WDR72: variants seen among roughly 807,000 people sequenced by gnomAD.
WDR72 encodes WD repeat-containing protein 72.
A neutral mutation model predicts 124.2 loss-of-function variants in WDR72; 120 were observed. The observed-to-expected ratio is 0.97, with a 90% CI of 0.83 to 1.12. The LOEUF (loss-of-function observed/expected upper bound fraction) is 1.12, where lower values mean the gene tolerates loss of function less well. WDR72 is among the 50% of genes most tolerant of loss of function. The pLI is 0.00. For synonymous variants in WDR72, 452 were observed against 441.7 expected, an observed-to-expected ratio of 1.02 and a Z score of -0.29; for missense variants, 1,387 against 1,278.8, an observed-to-expected ratio of 1.08 and a Z score of -1.29.
At chr15:53,737,551 T>G (rs746632137) in intron 1 of WDR72, among the ~76,000 whole-genome samples, 7 of 152,118 alleles carry the variant, frequency 4.6e-5, no homozygotes, top group Non-Finnish European at 8.8e-5. Context: ...GCAAAACCAC[T>G]GTTGGGGGAG....
In WDR72 at chr15:53,523,224, T is replaced by G. The variant is rs1891896639; in HGVS notation, c.3247A>C (p.Ser1083Arg). 1 of 1,612,774 alleles carries G rather than the reference T, an allele frequency of 6.2e-7. No homozygotes were observed. The highest frequency in any genetic ancestry group is 8.5e-7 in the Non-Finnish European group (1 of 1,179,220). ...PDRCALEESE[S>R]PGEPRHHSWI... ...ATTTTTAAATGGCTTTCACCTGGACTCTCAGACTCTTCCAAGGCACATCTG... is the reference window on the plus strand; with the variant it reads ...ATTTTTAAATGGCTTTCACCTGGACGCTCAGACTCTTCCAAGGCACATCTG... Residue 1083 changes from serine (S) to arginine (R), a missense_variant, in exon 19 of 20, where the codon AGT (serine) becomes CGT (arginine). Physicochemically the swap from Ser to Arg is moderately radical, Grantham distance 110 (BLOSUM62 -1). Transcript: ENST00000360509.
intron 2 of WDR72, among the ~76,000 whole-genome samples, chr15:53,726,258 A>ATG (rs779537392): frequency 0.03 from 2,108 of 69,678 alleles, 36 homozygotes; most frequent in South Asian, 0.088. Flanking sequence ...ATATATATGT[A>ATG]TGTGTGTATA....
At chr15:53,595,131 A>C (rs1005868089) in intron 18 of WDR72, among the ~76,000 whole-genome samples, 22 of 152,122 alleles carry the variant, frequency 1.4e-4, no homozygotes, top group African/African-American at 5.3e-4. Context: ...AGTAGGTGTA[A>C]TATTCTGGTG....
At chr15:53,635,499 T>C (rs1454183117) in intron 14 of WDR72, among the ~76,000 whole-genome samples, 1 of 152,162 alleles carries the variant, frequency 6.6e-6, no homozygotes, top group Non-Finnish European at 1.5e-5. Flanking sequence ...AAAATTTATT[T>C]TCTTAAAAAA....
intron 18 of WDR72, among the ~76,000 whole-genome samples, chr15:53,584,556 A>C (rs1476853753): frequency 6.6e-6 from 1 of 152,088 alleles, no homozygotes; most frequent in Non-Finnish European, 1.5e-5. Context: ...ATAAAACACT[A>C]AATAGATACT....
At chr15:53,607,255 T>TA (rs984421864) in intron 17 of WDR72, among the ~76,000 whole-genome samples, 86 of 147,282 alleles carry the variant, frequency 5.8e-4, no homozygotes, top group South Asian at 1.5e-3. Flanking sequence ...CTCTCAGAAT[T>TA]AAAAAAAAAA....
At chr15:53,728,476 C>T (rs1329272779) in intron 2 of WDR72, among the ~76,000 whole-genome samples, 1 of 152,180 alleles carries the variant, frequency 6.6e-6, no homozygotes, top group Admixed American at 6.5e-5. Context: ...ATCCCCATTT[C>T]ACAGGTGAGG....
chr15:53,700,750 G>A (rs939216864), intron 12 of WDR72, among the ~76,000 whole-genome samples: 3 of 151,920 alleles, frequency 2.0e-5, no homozygotes, highest in Non-Finnish European at 2.9e-5. Context: ...TTTATTAAGT[G>A]CACTCCAGAA....
At chr15:53,666,001 A>G (rs2015767157) in intron 13 of WDR72, among the ~76,000 whole-genome samples, 1 of 152,200 alleles carries the variant, frequency 6.6e-6, no homozygotes, top group South Asian at 2.1e-4. Context: ...TTCTTCATCC[A>G]CTGAAATCAA....
intron 13 of WDR72, among the ~76,000 whole-genome samples, chr15:53,696,606 G>C (rs1411162933): frequency 6.6e-6 from 1 of 152,032 alleles, no homozygotes; most frequent in Non-Finnish European, 1.5e-5. Flanking sequence ...TTTCCCCCTA[G>C]CTTTATGAAA....
chr15:53,613,247 G>A (rs1403309435), intron 16 of WDR72, among the ~76,000 whole-genome samples: 1 of 151,928 alleles, frequency 6.6e-6, no homozygotes, highest in African/African-American at 2.4e-5. Flanking sequence ...CATTTATTTG[G>A]TAATAAAGAT....
At chr15:53,543,746 GC>G (rs1351174519) in intron 18 of WDR72, among the ~76,000 whole-genome samples, 1 of 151,964 alleles carries the variant, frequency 6.6e-6, no homozygotes, top group Non-Finnish European at 1.5e-5. Flanking sequence ...TAGACCGCTA[GC>G]AAGACTAATA....
chr15:53,541,049 G>T (rs978904757), intron 18 of WDR72: 16 of 158,878 alleles, frequency 1.0e-4, no homozygotes, highest in Admixed American at 3.3e-4. Flanking sequence ...ACTGCAAGGC[G>T]GCAGCCAGGC....
At chr15:53,755,079 T>A (rs1047057484) in intron 1 of WDR72, among the ~76,000 whole-genome samples, 1 of 152,226 alleles carries the variant, frequency 6.6e-6, no homozygotes, top group Non-Finnish European at 1.5e-5. Flanking sequence ...ACATGTTCTA[T>A]ATACATCAAC....
At chr15:53,616,978 T>C (rs1049919573) in intron 14 of WDR72, among the ~76,000 whole-genome samples, 1 of 151,950 alleles carries the variant, frequency 6.6e-6, no homozygotes, top group Non-Finnish European at 1.5e-5. Context: ...AGCCACACCT[T>C]TGCAGGAATT....
At chr15:53,580,287 A>G (rs1056908144) in intron 18 of WDR72, among the ~76,000 whole-genome samples, 1 of 152,164 alleles carries the variant, frequency 6.6e-6, no homozygotes, top group Non-Finnish European at 1.5e-5. Context: ...CATTTAAAAA[A>G]GCTTGTCTCC....
At chr15:53,630,809 T>C (rs1210959976) in intron 14 of WDR72, among the ~76,000 whole-genome samples, 1 of 152,188 alleles carries the variant, frequency 6.6e-6, no homozygotes, top group African/African-American at 2.4e-5. Context: ...AGGACAAGTA[T>C]GTCCTTTCTT....
chr15:53,614,177 G>T (rs2013665440), intron 15 of WDR72, among the ~76,000 whole-genome samples: 1 of 151,982 alleles, frequency 6.6e-6, no homozygotes, highest in Non-Finnish European at 1.5e-5. Context: ...TTTACCCTAG[G>T]CCAGTGTTCT....
intron 14 of WDR72, among the ~76,000 whole-genome samples, chr15:53,623,572 G>A (rs896426676): frequency 2.0e-5 from 3 of 151,780 alleles, no homozygotes; most frequent in African/African-American, 7.3e-5. Flanking sequence ...TGCGCACCTA[G>A]GTTGATTCCA....
Sources: allele counts gnomAD v4.1 joint callset (sites outside exome capture counted in the v4.1 genomes callset), GRCh38; gene constraint gnomAD v4.1.1; transcripts MANE v1.5; gene names NCBI Gene and HGNC (gene_info 2026-07-23, HGNC 2026-07-21).